EPB41L2: variants seen among roughly 807,000 people sequenced by gnomAD.
EPB41L2 encodes the protein erythrocyte membrane protein band 4.1 like 2, also known as band 4.1-like protein 2.
Under a neutral mutation model 113.0 loss-of-function variants are expected in EPB41L2, and 43 were observed. The observed-to-expected ratio is 0.38, with a 90% confidence interval of 0.30 to 0.49. EPB41L2 has a LOEUF of 0.49. Among genes scored for constraint, EPB41L2 ranks in the 20% least tolerant of loss-of-function variants. The pLI is 0.95. For missense variants in EPB41L2, 1,147 were observed against 1,223.4 expected, an observed-to-expected ratio of 0.94 and a Z score of 0.93; for synonymous variants, 442 against 436.7, an observed-to-expected ratio of 1.01 and a Z score of -0.15.
intron 11 of EPB41L2, among the ~76,000 whole-genome samples, chr6:130,887,164 G>T (rs1791303947): frequency 6.6e-6 from 1 of 152,168 alleles, no homozygotes; most frequent in African/African-American, 2.4e-5. Flanking sequence ...ACAAAATGCT[G>T]ACTTTGCATA....
rs1363478581 is a variant in EPB41L2, at chr6:131,012,635, A to G, written c.-15+50520T>C. ...CTGCATTTTAATGAAAAGCCAATAG[A>G]TATCCCCAATAGAAGAGGGAAAAAA... On this transcript the variant is annotated intron_variant, in intron 1 of 19. Transcript: ENST00000337057. 3.3e-5 allele frequency among the ~76,000 whole-genome samples: 5 copies of G among 151,958 alleles called. No individual in the cohort carries two copies. The South Asian group carries it at 6.3e-4, about 19-fold the overall frequency.
Position 130,955,165 on chromosome 6 carries a change from G to A in EPB41L2, c.645C>T (p.Thr215=). 1 of 1,614,078 alleles carries A rather than the reference G, an allele frequency of 6.2e-7. No homozygotes were observed. Among genetic ancestry groups the A allele is most frequent in the African/African-American group, 1.3e-5 (1 of 75,008 alleles). ...GGGTCACTTTACACTGGACAGTTTT[G>A]GTCTTCTTGGTGACTTTTTGAGATG... The part of the protein sequence containing the change: ...EKASQKVTKK[T]KTVQCKVTLL... Residue 215 remains threonine, a synonymous_variant, in exon 3 of 20, where the codon ACC becomes ACT. Transcript: ENST00000337057.
intron 1 of EPB41L2, among the ~76,000 whole-genome samples, chr6:130,978,102 T>G (rs775318278): frequency 6.6e-6 from 1 of 152,196 alleles, no homozygotes; most frequent in Non-Finnish European, 1.5e-5. Flanking sequence ...CTTTCTTTTC[T>G]CTCCTTTACT....
chr6:131,023,096 T>C (rs58697380), intron 1 of EPB41L2, among the ~76,000 whole-genome samples: 2,462 of 152,274 alleles, frequency 0.016, 65 homozygotes, highest in African/African-American at 0.056. Context: ...CCTAAAAAAC[T>C]ACGTTAGATA....
chr6:130,894,231 G>T, intron 10 of EPB41L2, 113 bp downstream of exon 10: 1 of 775,016 alleles, frequency 1.3e-6, no homozygotes, highest in Non-Finnish European at 2.3e-6. Context: ...TGTTCCCCAG[G>T]CTGGTCTCAA....
intron 14 of EPB41L2, among the ~76,000 whole-genome samples, chr6:130,872,948 C>G (rs1188078757): frequency 6.6e-6 from 1 of 152,206 alleles, no homozygotes; most frequent in African/African-American, 2.4e-5. Flanking sequence ...CTCCTGCCTC[C>G]AAGGCCCTTC....
Position 131,016,477 on chromosome 6 carries a change from AACACACACACACACACACAC to A in EPB41L2, c.-15+46658_-15+46677del, listed in dbSNP as rs10584309. On this transcript the variant is annotated intron_variant, in intron 1 of 19. Transcript: ENST00000337057. ...ATATTTATTAAGCATTTAATAAGGA[AACACACACACACACACACAC>A]ACACACACACACACACACACACACT... is the stretch of plus-strand genomic sequence containing the variant. Among the ~76,000 whole-genome samples, 535 of 143,536 alleles carry A rather than the reference AACACACACACACACACACAC, an allele frequency of 3.7e-3. 3 individuals carry two copies. Among genetic ancestry groups the A allele is most frequent in the African/African-American group, 0.013 (509 of 39,024 alleles). 94.2% of individuals were successfully genotyped at this position (143,536 alleles called of 152,430 possible).
Position 130,956,313 on chromosome 6 carries a change from C to T in EPB41L2, c.173G>A (p.Ser58Asn). ...QPPPAAESQS[S>N]LRRQKREKET... ...CTTCTCTCTCTTCTGGCGGCGTAGA[C>T]TACTTTGGCTTTCAGCTGCAGGAGG... is the stretch of plus-strand genomic sequence containing the variant. The change falls in exon 2 of 20, where the codon AGT becomes AAT. Residue 58 changes from serine to asparagine, a missense_variant. Physicochemically the swap from Ser to Asn is conservative, Grantham distance 46. Transcript: ENST00000337057. The T allele has an allele frequency of 6.2e-7, 1 of 1,614,154 alleles. No individual in the cohort carries two copies. Among genetic ancestry groups the T allele is most frequent in the Non-Finnish European group, 8.5e-7 (1 of 1,180,030 alleles).
At chr6:131,056,767 G>A (rs1458875455) in intron 1 of EPB41L2, among the ~76,000 whole-genome samples, 3 of 152,222 alleles carry the variant, frequency 2.0e-5, no homozygotes, top group South Asian at 2.1e-4. Flanking sequence ...ACGAGGCTTT[G>A]AGAAATAATT....
At chr6:131,043,079 A>C (rs1017721419) in intron 1 of EPB41L2, among the ~76,000 whole-genome samples, 3 of 152,132 alleles carry the variant, frequency 2.0e-5, no homozygotes, top group Non-Finnish European at 2.9e-5. Context: ...CAGGCAGATT[A>C]CTTGAGGTCA....
In EPB41L2 at chr6:130,870,930, T is replaced by C. The variant is rs533991179; in HGVS notation, c.2044-804A>G. On this transcript the variant is annotated intron_variant, in intron 14 of 19. Coordinates refer to ENST00000337057, the MANE Select transcript of EPB41L2 (RefSeq NM_001431.4). Reference sequence around the variant, plus strand: ...GTTATTAACTTTCCAATTCGTATCATAGGTTGGCAAAGGCTATATTATACA... The same window carrying C: ...GTTATTAACTTTCCAATTCGTATCACAGGTTGGCAAAGGCTATATTATACA... 3.5e-4 allele frequency among the ~76,000 whole-genome samples: 53 copies of C among 152,294 alleles called. No homozygotes were observed. In the South Asian group the frequency reaches 9.7e-3, roughly 28 times the overall value.
intron 12 of EPB41L2, among the ~76,000 whole-genome samples, chr6:130,884,196 G>T (rs893819563): frequency 6.6e-6 from 1 of 151,966 alleles, no homozygotes; most frequent in African/African-American, 2.4e-5. Context: ...AGCCGGGCAC[G>T]TGGTGGCAGG....
chr6:130,990,983 A>C (rs981209441), intron 1 of EPB41L2, among the ~76,000 whole-genome samples: 5 of 148,082 alleles, frequency 3.4e-5, no homozygotes, highest in Admixed American at 3.4e-4. Flanking sequence ...CATGCCACCA[A>C]GCCTGGCTAA....
intron 1 of EPB41L2, among the ~76,000 whole-genome samples, chr6:130,961,148 T>C (rs56173113): frequency 0.28 from 42,808 of 152,150 alleles, 7,121 homozygotes; most frequent in Non-Finnish European, 0.37. Context: ...TATTTAATTA[T>C]AATTACCCAA....
Position 130,874,536 on chromosome 6 carries a change from T to C in EPB41L2, c.2043+3568A>G, listed in dbSNP as rs188877277. Among the ~76,000 whole-genome samples the C allele has an allele frequency of 1.5e-3, 223 of 152,304 alleles. 2 individuals carry two copies. The highest frequency in any genetic ancestry group is 5.0e-3 in the African/African-American group (207 of 41,572). ...CATACTTTCAACTAATAGTAGTATG[T>C]TATTTAAAGAAAAACAAAAAAGATA... On this transcript the variant is annotated intron_variant, in intron 14 of 19. Coordinates refer to ENST00000337057, the MANE Select transcript of EPB41L2 (RefSeq NM_001431.4).
intron 1 of EPB41L2, among the ~76,000 whole-genome samples, chr6:131,041,516 T>C (rs574786273): frequency 1.3e-5 from 2 of 152,290 alleles, no homozygotes; most frequent in South Asian, 4.1e-4. Flanking sequence ...AAATATACAC[T>C]GATAACTAGG....
intron 1 of EPB41L2, among the ~76,000 whole-genome samples, chr6:131,035,948 G>T (rs1313937885): frequency 6.6e-6 from 1 of 152,218 alleles, no homozygotes; most frequent in Non-Finnish European, 1.5e-5. Flanking sequence ...ATTAGAGAAG[G>T]TTTGAGAGAA....
intron 9 of EPB41L2, 71 bp from the exon 10 acceptor site, chr6:130,894,512 A>G (rs1793972164): frequency 7.5e-7 from 1 of 1,341,474 alleles, no homozygotes; most frequent in South Asian, 1.2e-5. Flanking sequence ...AAAAGCATGC[A>G]TTCAGATGTT....
At chr6:130,905,119 G>C (rs905349737) in intron 5 of EPB41L2, among the ~76,000 whole-genome samples, 3 of 152,092 alleles carry the variant, frequency 2.0e-5, no homozygotes, top group Admixed American at 2.0e-4. Context: ...TAGAGTAGGT[G>C]TAAGTATATT....
Sources: gnomAD v4.1 joint callset for allele counts (sites outside exome capture counted in the v4.1 genomes callset) on GRCh38, gnomAD v4.1.1 for gene constraint, MANE v1.5 for transcripts, NCBI Gene and HGNC (gene_info 2026-07-23, HGNC 2026-07-21) for gene names.